CDKL1: variants seen among roughly 807,000 people sequenced by gnomAD.
CDKL1 encodes cyclin-dependent kinase-like 1.
In CDKL1, 41 loss-of-function variants were observed where a neutral mutation model predicts 42.0. The observed-to-expected ratio is 0.98, with a 90% CI of 0.76 to 1.27. CDKL1 has a LOEUF of 1.27. Among genes scored for constraint, CDKL1 ranks in the 50% most tolerant of loss-of-function variants. The probability of loss-of-function intolerance (pLI) is 0.00; values close to 1 mark genes in which losing one functional copy is unlikely to be tolerated. For synonymous variants in CDKL1, 153 were observed against 158.6 expected, an observed-to-expected ratio of 0.96 and a Z score of 0.26; for missense variants, 394 against 428.4, an observed-to-expected ratio of 0.92 and a Z score of 0.71.
rs927953116 is a variant in CDKL1, at chr14:50,332,328, G to A, written c.900C>T (p.His300=). The change falls in exon 9 of 10, where the codon CAC becomes CAT. Residue 300 remains histidine, a synonymous_variant. Coordinates refer to ENST00000395834, the MANE Select transcript of CDKL1 (RefSeq NM_004196.7). ...IREIEDLAKE[H]NKPTRKTLRK... is the part of the protein sequence containing the mutation. ...TTAGGGTCTTCCTTGTTGGTTTGTTGTGTTCTTTTGCCAAATCCTCTATTT... is the reference window on the plus strand; with the variant it reads ...TTAGGGTCTTCCTTGTTGGTTTGTTATGTTCTTTTGCCAAATCCTCTATTT... 21 of 1,614,022 alleles carry A rather than the reference G, an allele frequency of 1.3e-5. No individual in the cohort carries two copies. The highest frequency in any genetic ancestry group is 9.3e-5 in the African/African-American group (7 of 74,904).
chr14:50,335,477 T>G (rs1258864450), intron 7 of CDKL1: 1 of 1,536,066 alleles, frequency 6.5e-7, no homozygotes, highest in East Asian at 2.4e-5. Flanking sequence ...TTAAACAGTC[T>G]CCTGTGGGGC....
chr14:50,351,765 A>T (rs1171771565), intron 3 of CDKL1, among the ~76,000 whole-genome samples: 1 of 151,412 alleles, frequency 6.6e-6, no homozygotes, highest in Non-Finnish European at 1.5e-5. Flanking sequence ...CAGGGGAGGG[A>T]ATTAGCAACA....
At chr14:50,343,193 G>A in intron 4 of CDKL1, 1 of 378,614 alleles carries the variant, frequency 2.6e-6, no homozygotes, top group Non-Finnish European at 4.1e-6. Flanking sequence ...TCAAAATACT[G>A]CTCAGGGTCC....
At chr14:50,335,989 C>T in intron 7 of CDKL1, 1 of 1,366,824 alleles carries the variant, frequency 7.3e-7, no homozygotes, top group Non-Finnish European at 9.8e-7. Flanking sequence ...CCTCATACTT[C>T]CACTCATGCT....
intron 8 of CDKL1, chr14:50,333,422 A>T (rs2033079346): frequency 6.6e-6 from 1 of 152,206 alleles, no homozygotes; most frequent in African/African-American, 2.4e-5. Flanking sequence ...GCACCATGAC[A>T]GTCTACAAAT....
chr14:50,344,833 G>C (rs576622788), intron 4 of CDKL1, among the ~76,000 whole-genome samples, 153 bp downstream of exon 4: 2 of 152,234 alleles, frequency 1.3e-5, no homozygotes, highest in South Asian at 2.1e-4. Context: ...GGAATAGCTA[G>C]GTTGGCATTT....
intron 2 of CDKL1, among the ~76,000 whole-genome samples, chr14:50,393,596 G>A (rs1281272978): frequency 1.3e-5 from 2 of 152,100 alleles, no homozygotes; most frequent in Non-Finnish European, 2.9e-5. Context: ...CTCTTGCCTT[G>A]GCCTCTTTCC....
rs151135380 is a variant in CDKL1, at chr14:50,391,704, A to G, written c.168+3997T>C. On this transcript the variant is annotated intron_variant, in intron 2 of 9. Transcript: ENST00000395834. ...GGCCTAAATTGTCTTTTTTTATGCA[A>G]TGATATTTATGTTTGGTATGGTTCA... 3.8e-3 allele frequency among the ~76,000 whole-genome samples: 582 copies of G among 152,178 alleles called. 1 individual carries two copies. Among genetic ancestry groups the G allele is most frequent in the Non-Finnish European group, 6.0e-3 (411 of 67,984 alleles).
chr14:50,342,757 C>A (rs957508082), intron 4 of CDKL1: 1 of 644,680 alleles, frequency 1.6e-6, no homozygotes, highest in Non-Finnish European at 2.1e-6. Context: ...GTGAACAGAA[C>A]ACAGTCAGCC....
chr14:50,380,337 C>A, intron 2 of CDKL1: 1 of 432,164 alleles, frequency 2.3e-6, no homozygotes. Context: ...TGGTAGACTC[C>A]TATAAACTCA....
chr14:50,377,411 T>A, intron 2 of CDKL1: 1 of 266,474 alleles, frequency 3.8e-6, no homozygotes, highest in Non-Finnish European at 6.5e-6. Context: ...TTGGGTTTCC[T>A]CCTTCCTTGT....
intron 2 of CDKL1, among the ~76,000 whole-genome samples, chr14:50,369,017 C>T (rs1445001517): frequency 4.6e-5 from 7 of 151,874 alleles, no homozygotes; most frequent in African/African-American, 9.7e-5. Flanking sequence ...CAGGTGTGCA[C>T]CACCATGCCT....
chr14:50,342,783 GC>G, intron 4 of CDKL1: 1 of 900,180 alleles, frequency 1.1e-6, no homozygotes, highest in South Asian at 1.8e-5. Flanking sequence ...AACAGGACAA[GC>G]CCTGGGCCTG....
intron 2 of CDKL1, among the ~76,000 whole-genome samples, chr14:50,386,984 G>A (rs2035099630): frequency 6.7e-6 from 1 of 149,254 alleles, no homozygotes; most frequent in Admixed American, 6.7e-5. Flanking sequence ...CCAAGATCGC[G>A]CCACTGTATT....
At chr14:50,393,280 G>T (rs2035310599) in intron 2 of CDKL1, among the ~76,000 whole-genome samples, 1 of 152,202 alleles carries the variant, frequency 6.6e-6, no homozygotes, top group Non-Finnish European at 1.5e-5. Flanking sequence ...CAGTCTATAA[G>T]GGGTGAGAGC....
At chr14:50,345,980 G>A (rs1243881120) in intron 3 of CDKL1, among the ~76,000 whole-genome samples, 1 of 152,194 alleles carries the variant, frequency 6.6e-6, no homozygotes, top group Non-Finnish European at 1.5e-5. Context: ...GAACCACAGA[G>A]AGAGTGCATT....
Position 50,329,384 on chromosome 14 carries a change from CAG to C in CDKL1, c.*688_*689del, listed in dbSNP as rs1281814198. 1 of 152,154 alleles carries C rather than the reference CAG, an allele frequency of 6.6e-6. No homozygotes were observed. Among genetic ancestry groups the C allele is most frequent in the Admixed American group, 6.5e-5 (1 of 15,280 alleles). The allele number at this position is 152,154 out of a possible 1,614,324, so 9.4% of individuals were successfully genotyped here. ...GGGGAATTGGGTGAATAAATGTAGA[CAG>C]ATTACAGTAAATCCACGTTGCCTGC... On this transcript the variant is annotated 3_prime_UTR_variant, in exon 10 of 10. Coordinates refer to ENST00000395834, the MANE Select transcript of CDKL1 (RefSeq NM_004196.7).
intron 2 of CDKL1, among the ~76,000 whole-genome samples, chr14:50,385,630 C>T (rs182181878): frequency 2.0e-5 from 3 of 151,714 alleles, no homozygotes; most frequent in Non-Finnish European, 4.4e-5. Context: ...ATGGTGAAAC[C>T]CCATCTCTAC....
In CDKL1 at chr14:50,327,809, G is replaced by C. The variant is rs1488201944; in HGVS notation, c.*2265C>G. On this transcript the variant is annotated 3_prime_UTR_variant, in exon 10 of 10. Coordinates refer to ENST00000395834, the MANE Select transcript of CDKL1 (RefSeq NM_004196.7). ...CTTGAAAATAATTTTCTATGATACA[G>C]CTTTCAGGTAGAAAAATGAATTTTC... The C allele has an allele frequency of 1.3e-5, 2 of 152,136 alleles. No individual in the cohort carries two copies. Among genetic ancestry groups the C allele is most frequent in the Non-Finnish European group, 2.9e-5 (2 of 68,036 alleles). The allele number at this position is 152,136 out of a possible 1,614,324, so 9.4% of individuals were successfully genotyped here. A position where few individuals can be genotyped will look rare whatever the true frequency, so the allele number is the denominator to read the frequency against.
Sources: gnomAD v4.1 joint callset for allele counts (sites outside exome capture counted in the v4.1 genomes callset) on GRCh38, gnomAD v4.1.1 for gene constraint, MANE v1.5 for transcripts, NCBI Gene and HGNC (gene_info 2026-07-23, HGNC 2026-07-21) for gene names.